UBE2G1: variants seen among roughly 807,000 people sequenced by gnomAD.
UBE2G1 encodes the protein ubiquitin-conjugating enzyme E2 G1.
UBE2G1 carries 5 observed loss-of-function variants against 22.7 expected under a neutral mutation model. The ratio of observed to expected loss-of-function variants is 0.22; its 90% CI spans 0.12 to 0.46. The LOEUF (loss-of-function observed/expected upper bound fraction) is 0.46. Ranked by LOEUF, UBE2G1 falls within the 20% of genes least tolerant of loss-of-function variation. The probability of loss-of-function intolerance (pLI) is 0.99; values close to 1 mark genes in which losing one functional copy is unlikely to be tolerated. For missense variants in UBE2G1, 88 were observed against 203.9 expected (o/e 0.43, Z 3.46); for synonymous variants, 74 against 67.5 (o/e 1.10, Z -0.47).
Position 4,271,566 on chromosome 17 carries a change from G to A in UBE2G1, c.*988C>T, listed in dbSNP as rs1393483528. ...AAAATCTGCAGTATAGAAGAATAGA[G>A]GCAGAGAAATATGAAGGACTAAGGA... On this transcript the variant is annotated 3_prime_UTR_variant, in exon 6 of 6. Coordinates refer to ENST00000396981, the MANE Select transcript of UBE2G1 (RefSeq NM_003342.5). The A allele has an allele frequency of 6.7e-6, 1 of 149,610 alleles. No individual in the cohort carries two copies. The allele number at this position is 149,610 out of a possible 1,614,324, so 9.3% of individuals were successfully genotyped here. A position where few individuals can be genotyped will look rare whatever the true frequency, so the allele number is the denominator to read the frequency against.
intron 5 of UBE2G1, among the ~76,000 whole-genome samples, chr17:4,272,873 A>C (rs892793265): frequency 6.6e-6 from 1 of 152,204 alleles, no homozygotes; most frequent in African/African-American, 2.4e-5. Context: ...CAATACTTCA[A>C]ATGTCTTTCA....
chr17:4,333,299 G>A (rs1237071454), intron 1 of UBE2G1, among the ~76,000 whole-genome samples: 1 of 152,178 alleles, frequency 6.6e-6, no homozygotes, highest in East Asian at 1.9e-4. Flanking sequence ...TGTAAAGAAT[G>A]TGTGTATCTC....
At chr17:4,353,225 A>C (rs1969865862) in intron 1 of UBE2G1, among the ~76,000 whole-genome samples, 1 of 152,060 alleles carries the variant, frequency 6.6e-6, no homozygotes, top group Non-Finnish European at 1.5e-5. Context: ...CTCGAAAACA[A>C]CAACAACAAC....
chr17:4,329,769 ATAAC>A (rs1969548997), intron 1 of UBE2G1, among the ~76,000 whole-genome samples: 1 of 151,972 alleles, frequency 6.6e-6, no homozygotes, highest in Non-Finnish European at 1.5e-5. Flanking sequence ...TCTTTCCAGT[ATAAC>A]TTTTTCTTAC....
chr17:4,348,894 TTAA>T (rs556891647), intron 1 of UBE2G1, among the ~76,000 whole-genome samples: 197 of 148,534 alleles, frequency 1.3e-3, no homozygotes, highest in African/African-American at 4.7e-3. Context: ...AATTAATTAA[TTAA>T]TAATAATAGG....
chr17:4,279,776 A>T (rs12150539), intron 5 of UBE2G1, among the ~76,000 whole-genome samples: 152 of 141,722 alleles, frequency 1.1e-3, no homozygotes, highest in Middle Eastern at 7.1e-3. Context: ...CTCTGCCCCC[A>T]AAAAAAAGTT....
chr17:4,272,397 T>C lies in UBE2G1; in HGVS notation c.*157A>G, dbSNP rs1423980451. On this transcript the variant is annotated 3_prime_UTR_variant, in exon 6 of 6. Transcript: ENST00000396981. ...CTTGTTAGGCTCTTGTCAGCATTGA[T>C]AACTGGCATGTTTTATTGCAGCCCA... 1 of 186,672 alleles carries C rather than the reference T, an allele frequency of 5.4e-6. No homozygotes were observed. Among genetic ancestry groups the C allele is most frequent in the Non-Finnish European group, 1.1e-5 (1 of 88,770 alleles). 11.6% of individuals were successfully genotyped at this position (186,672 alleles called of 1,614,324 possible).
chr17:4,276,003 T>A (rs558429125), intron 5 of UBE2G1, among the ~76,000 whole-genome samples: 3 of 152,298 alleles, frequency 2.0e-5, no homozygotes, highest in Admixed American at 2.0e-4. Context: ...CCAGTCTCTG[T>A]CTCTTCCTTC....
At chr17:4,311,447 T>C (rs1255148675) in intron 1 of UBE2G1, among the ~76,000 whole-genome samples, 1 of 152,134 alleles carries the variant, frequency 6.6e-6, no homozygotes, top group Non-Finnish European at 1.5e-5. Context: ...AGTATATACA[T>C]ACAATGAAAT....
chr17:4,286,805 G>A (rs1452155620), intron 4 of UBE2G1, among the ~76,000 whole-genome samples: 1 of 152,114 alleles, frequency 6.6e-6, no homozygotes, highest in African/African-American at 2.4e-5. Flanking sequence ...ACCTCAGGAG[G>A]CCAAGGCGGG....
Position 4,283,238 on chromosome 17 carries a change from G to A in UBE2G1, c.427-317C>T, listed in dbSNP as rs182262098. Among the ~76,000 whole-genome samples the A allele has an allele frequency of 7.6e-4, 116 of 152,298 alleles. 3 individuals carry two copies. The East Asian group carries it at 0.016, about 20-fold the overall frequency. On this transcript the variant is annotated intron_variant, in intron 4 of 5. Transcript: ENST00000396981. ...ATACCAATAAGACATTCAGGCCAGG[G>A]GCCGTGGCGCACGTCCATAATCCCA...
At chr17:4,300,123 C>A (rs1195481102) in intron 2 of UBE2G1, among the ~76,000 whole-genome samples, 1 of 150,926 alleles carries the variant, frequency 6.6e-6, no homozygotes, top group Non-Finnish European at 1.5e-5. Flanking sequence ...TAGTACCCAA[C>A]TTGTGCGTGC....
intron 1 of UBE2G1, among the ~76,000 whole-genome samples, chr17:4,308,144 G>A (rs970175532): frequency 7.9e-5 from 12 of 152,206 alleles, no homozygotes; most frequent in South Asian, 2.1e-4. Context: ...ACCTGAGGTC[G>A]AGAGTTTGAG....
In UBE2G1 at chr17:4,310,473, C is replaced by T. The variant is rs199892085; in HGVS notation, c.47-3350G>A. The stretch of plus-strand genomic sequence containing the variant: ...TTCAAGGTTTAGAATCTGAACCCTA[C>T]TTTAGGTAGAGGAGCATGTACAAAA... On this transcript the variant is annotated intron_variant, in intron 1 of 5. Transcript: ENST00000396981. Among the ~76,000 whole-genome samples, 4 of 152,266 alleles carry T rather than the reference C, an allele frequency of 2.6e-5. No individual in the cohort carries two copies. In the East Asian group the frequency reaches 7.7e-4, roughly 29 times the overall value.
chr17:4,277,618 C>T (rs1017705035), intron 5 of UBE2G1, among the ~76,000 whole-genome samples: 1 of 152,142 alleles, frequency 6.6e-6, no homozygotes, highest in Non-Finnish European at 1.5e-5. Context: ...CACAGTAATC[C>T]GTGCATTTTG....
intron 4 of UBE2G1, among the ~76,000 whole-genome samples, chr17:4,285,664 C>A (rs531752184): frequency 5.9e-5 from 9 of 152,136 alleles, no homozygotes; most frequent in Non-Finnish European, 1.0e-4. Context: ...AATCTGGGGC[C>A]AAAGCGGCCG....
At chr17:4,366,074 C>T (rs1970031178) in intron 1 of UBE2G1, among the ~76,000 whole-genome samples, 197 bp downstream of exon 1, 1 of 152,112 alleles carries the variant, frequency 6.6e-6, no homozygotes, top group Non-Finnish European at 1.5e-5. Context: ...AGCTGGGTCG[C>T]GTCCCCGCCC....
intron 1 of UBE2G1, among the ~76,000 whole-genome samples, chr17:4,314,900 A>G (rs1458363104): frequency 6.6e-6 from 1 of 152,230 alleles, no homozygotes; most frequent in East Asian, 1.9e-4. Flanking sequence ...TAGAATCTTC[A>G]GCAAATATAC....
Position 4,353,812 on chromosome 17 carries a change from A to ATT in UBE2G1, c.46+12457_46+12458dup, listed in dbSNP as rs11437680. Among the ~76,000 whole-genome samples, 909 of 104,744 alleles carry ATT rather than the reference A, an allele frequency of 8.7e-3. 19 individuals carry two copies. Among genetic ancestry groups the ATT allele is most frequent in the East Asian group, 0.015 (61 of 3,958 alleles). The allele number at this position is 104,744 out of a possible 152,430, so 68.7% of individuals were successfully genotyped here. ...GGCGTGAGCCACCGTGCCCGGTCAA[A>ATT]TTTTTTTTTTTTTTTTTTTTTTTGA... On this transcript the variant is annotated intron_variant, in intron 1 of 5. Coordinates refer to ENST00000396981, the MANE Select transcript of UBE2G1 (RefSeq NM_003342.5).
Sources: gnomAD v4.1 joint callset for allele counts (sites outside exome capture counted in the v4.1 genomes callset) on GRCh38, gnomAD v4.1.1 for gene constraint, MANE v1.5 for transcripts, NCBI Gene and HGNC (gene_info 2026-07-23, HGNC 2026-07-21) for gene names.